ASIC2: variants seen among roughly 807,000 people sequenced by gnomAD.
ASIC2 encodes acid sensing ion channel subunit 2.
ASIC2 carries 25 observed loss-of-function variants against 57.3 expected under a neutral mutation model. The ratio of observed to expected loss-of-function variants is 0.44; its 90% CI spans 0.32 to 0.61. The LOEUF is 0.61. Among genes scored for constraint, ASIC2 ranks in the 20% least tolerant of loss-of-function variants. The pLI is 0.06. For missense variants in ASIC2, 641 were observed against 738.1 expected (o/e 0.87, Z 1.52); for synonymous variants, 319 against 307.5 (o/e 1.04, Z -0.39).
intron 1 of ASIC2, among the ~76,000 whole-genome samples, chr17:34,068,457 C>G (rs973015946): frequency 6.6e-6 from 1 of 152,182 alleles, no homozygotes; most frequent in Non-Finnish European, 1.5e-5. Context: ...ACAGCCCATT[C>G]TGCAGCAAAA....
chr17:33,710,725 G>C (rs1361093871), intron 1 of ASIC2, among the ~76,000 whole-genome samples: 1 of 152,132 alleles, frequency 6.6e-6, no homozygotes, highest in East Asian at 1.9e-4. Context: ...GAGAAGAAAG[G>C]TTGTGGTGTA....
intron 3 of ASIC2, among the ~76,000 whole-genome samples, chr17:33,054,004 C>A (rs1413096998): frequency 6.6e-6 from 1 of 152,082 alleles, no homozygotes; most frequent in Non-Finnish European, 1.5e-5. Context: ...TCCCTTTCAC[C>A]ACAATGCCGC....
chr17:34,044,564 C>T (rs1451882095), intron 1 of ASIC2, among the ~76,000 whole-genome samples: 2 of 152,180 alleles, frequency 1.3e-5, no homozygotes, highest in Non-Finnish European at 2.9e-5. Flanking sequence ...GCTTGACCCA[C>T]ATCCCCTTGG....
chr17:33,816,171 G>GC (rs1005484742), intron 1 of ASIC2, among the ~76,000 whole-genome samples: 1,253 of 11,560 alleles, frequency 0.11, 20 homozygotes, highest in African/African-American at 0.32. Flanking sequence ...ACCAACTGAA[G>GC]GGGGGGCGGG....
intron 1 of ASIC2, among the ~76,000 whole-genome samples, chr17:34,099,125 AG>A (rs1374049837): frequency 7.3e-4 from 21 of 28,810 alleles, no homozygotes; most frequent in African/African-American, 2.5e-3. Flanking sequence ...AGAGAGAGAG[AG>A]AGAGAGAGAG....
Position 34,044,126 on chromosome 17 carries a change from GCACGCA to G in ASIC2, c.555+111846_555+111851del, listed in dbSNP as rs892401813. 1.5e-3 allele frequency among the ~76,000 whole-genome samples: 80 copies of G among 51,686 alleles called. 1 individual carries two copies. The highest frequency in any genetic ancestry group is 0.011 in the Admixed American group (57 of 5,344). The allele number at this position is 51,686 out of a possible 152,430, so 33.9% of individuals were successfully genotyped here. ...CACACACACACACACACACACACAC[GCACGCA>G]CACACACACACACACACCAAGAAGA... On this transcript the variant is annotated intron_variant, in intron 1 of 9. Transcript: ENST00000359872.
At chr17:33,092,358 A>G (rs2092161044) in intron 2 of ASIC2, among the ~76,000 whole-genome samples, 1 of 152,210 alleles carries the variant, frequency 6.6e-6, no homozygotes, top group Non-Finnish European at 1.5e-5. Flanking sequence ...TGGGCATGGC[A>G]CAGTATTGAG....
chr17:33,362,802 A>G (rs550507491), intron 1 of ASIC2, among the ~76,000 whole-genome samples: 1 of 152,380 alleles, frequency 6.6e-6, no homozygotes, highest in African/African-American at 2.4e-5. Context: ...TACAATCACC[A>G]GAGCAGGCAT....
intron 1 of ASIC2, among the ~76,000 whole-genome samples, chr17:33,807,355 T>C (rs1912297343): frequency 6.6e-6 from 1 of 152,222 alleles, no homozygotes; most frequent in Non-Finnish European, 1.5e-5. Context: ...CTCTGCTATT[T>C]GACAATATTT....
At chr17:33,902,203 T>C (rs1001603756) in intron 1 of ASIC2, among the ~76,000 whole-genome samples, 1 of 152,158 alleles carries the variant, frequency 6.6e-6, no homozygotes, top group African/African-American at 2.4e-5. Context: ...GAATTGTTAC[T>C]GAAAGCTTAT....
At chr17:34,059,670 G>A (rs537017768) in intron 1 of ASIC2, among the ~76,000 whole-genome samples, 14 of 152,146 alleles carry the variant, frequency 9.2e-5, no homozygotes, top group Admixed American at 2.0e-4. Context: ...GTGAGAATGC[G>A]ACCAGCCCTT....
At chr17:33,736,992 G>A (rs575927719) in intron 1 of ASIC2, among the ~76,000 whole-genome samples, 1 of 152,356 alleles carries the variant, frequency 6.6e-6, no homozygotes, top group Non-Finnish European at 1.5e-5. Flanking sequence ...CATATGCTAT[G>A]ATATATTTTG....
At chr17:33,914,563 A>T (rs2141961034) in intron 1 of ASIC2, among the ~76,000 whole-genome samples, 1 of 152,218 alleles carries the variant, frequency 6.6e-6, no homozygotes, top group Middle Eastern at 3.4e-3. Context: ...GTGTCTTCTG[A>T]TGGGGAAGCC....
At chr17:34,017,947 C>A (rs958363548) in intron 1 of ASIC2, among the ~76,000 whole-genome samples, 1 of 152,192 alleles carries the variant, frequency 6.6e-6, no homozygotes, top group African/African-American at 2.4e-5. Flanking sequence ...GCTAGTTATT[C>A]AGAAGATCTA....
chr17:33,163,319 C>T (rs1905213690), intron 1 of ASIC2, among the ~76,000 whole-genome samples: 1 of 152,114 alleles, frequency 6.6e-6, no homozygotes, highest in Non-Finnish European at 1.5e-5. Context: ...GGTGGCCTCA[C>T]TTCCTGCAGA....
intron 1 of ASIC2, among the ~76,000 whole-genome samples, chr17:33,893,238 T>A (rs891947767): frequency 6.6e-6 from 1 of 152,138 alleles, no homozygotes; most frequent in African/African-American, 2.4e-5. Context: ...AGGATTTAAA[T>A]CCATTTGGTC....
At chr17:33,663,361 G>A (rs1907356860) in intron 1 of ASIC2, among the ~76,000 whole-genome samples, 1 of 152,012 alleles carries the variant, frequency 6.6e-6, no homozygotes, top group Non-Finnish European at 1.5e-5. Context: ...TATGAGCTTT[G>A]TAAATGGCTC....
At chr17:33,967,747 G>C (rs1366185153) in intron 1 of ASIC2, among the ~76,000 whole-genome samples, 2 of 152,158 alleles carry the variant, frequency 1.3e-5, no homozygotes, top group Admixed American at 1.3e-4. Flanking sequence ...AGTAATAAAG[G>C]CTGCCAGTGT....
At chr17:33,136,890 A>T (rs190167593) in intron 1 of ASIC2, among the ~76,000 whole-genome samples, 2 of 152,322 alleles carry the variant, frequency 1.3e-5, no homozygotes, top group East Asian at 3.9e-4. Context: ...TGGAGTTAGG[A>T]GTCCCAAACC....
Sources: gnomAD v4.1 joint callset for allele counts (sites outside exome capture counted in the v4.1 genomes callset) on GRCh38, gnomAD v4.1.1 for gene constraint, MANE v1.5 for transcripts, NCBI Gene and HGNC (gene_info 2026-07-23, HGNC 2026-07-21) for gene names.